Variants in KCTD2 observed in about 807,000 individuals in gnomAD.
The protein encoded by KCTD2 is potassium channel tetramerization domain containing 2.
A neutral mutation model predicts 27.9 loss-of-function variants in KCTD2; 18 were observed. The observed-to-expected ratio is 0.64, with a 90% CI of 0.45 to 0.96. KCTD2 has a LOEUF of 0.96. KCTD2 is among the 40% of genes least tolerant of loss of function. KCTD2 has a pLI of 0.00. For missense variants in KCTD2, 280 were observed against 348.0 expected, an observed-to-expected ratio of 0.80 and a Z score of 1.56; for synonymous variants, 175 against 148.4, an observed-to-expected ratio of 1.18 and a Z score of -1.30.
At chr17:75,045,222 G>C (rs1052137267), upstream of KCTD2, among the ~76,000 whole-genome samples, 1 of 152,210 alleles carries the variant, frequency 6.6e-6, no homozygotes, top group Non-Finnish European at 1.5e-5. Flanking sequence ...GTGGGTGACA[G>C]ACATCAAGTA....
At chr17:75,050,022 A>G (rs1278167567) in intron 2 of KCTD2, among the ~76,000 whole-genome samples, 2 of 152,216 alleles carry the variant, frequency 1.3e-5, no homozygotes, top group Admixed American at 6.5e-5. Flanking sequence ...TGTACTAGTT[A>G]ATGAAGTGAC....
chr17:75,052,450 G>A (rs1461073950), intron 2 of KCTD2, among the ~76,000 whole-genome samples: 1 of 152,194 alleles, frequency 6.6e-6, no homozygotes, highest in African/African-American at 2.4e-5. Context: ...GCTGGGTGCG[G>A]TGGCTTTACG....
rs990917975 is a variant in KCTD2, at chr17:75,056,417, T to C, written c.541-3093T>C. ...ATAGATTTTAAAGTACCATGAATTA[T>C]GTAATTTGAAATGATTCAAGTCATG... is the stretch of plus-strand genomic sequence containing the variant. On this transcript the variant is annotated intron_variant, in intron 3 of 5. Transcript: ENST00000322444. Among the ~76,000 whole-genome samples, 4 of 152,374 alleles carry C rather than the reference T, an allele frequency of 2.6e-5. No individual in the cohort carries two copies. In the South Asian group the frequency reaches 6.2e-4, roughly 24 times the overall value.
At chr17:75,050,902 G>C (rs1487253624) in intron 2 of KCTD2, among the ~76,000 whole-genome samples, 1 of 150,340 alleles carries the variant, frequency 6.7e-6, no homozygotes, top group African/African-American at 2.5e-5. Context: ...GGTCTCAAAT[G>C]TCTGGCCTCA....
In KCTD2 at chr17:75,060,170, G is replaced by T. The variant is rs187790917; in HGVS notation, c.636+565G>T. Among the ~76,000 whole-genome samples the T allele has an allele frequency of 1.5e-3, 228 of 152,038 alleles. 1 individual carries two copies. The highest frequency in any genetic ancestry group is 5.1e-3 in the African/African-American group (211 of 41,502). On this transcript the variant is annotated intron_variant, in intron 4 of 5. Coordinates refer to ENST00000322444, the MANE Select transcript of KCTD2 (RefSeq NM_015353.3). ...CACTGTTCTCCTCCATTAGATGGCA[G>T]ACTTGTTAAATTCTGTTGCCTTCAA... is the stretch of plus-strand genomic sequence containing the variant.
intron 3 of KCTD2, chr17:75,039,907 T>C (rs2073141465): frequency 3.0e-6 from 2 of 670,670 alleles, no homozygotes; most frequent in Non-Finnish European, 5.2e-6. Context: ...TTCTTTTTCT[T>C]GTTGGCTTCT....
In KCTD2 at chr17:75,063,880, C is replaced by G. The variant is rs961263844; in HGVS notation, c.*833C>G. The G allele has an allele frequency of 4.6e-5, 7 of 152,768 alleles. No individual in the cohort carries two copies. Among genetic ancestry groups the G allele is most frequent in the Non-Finnish European group, 1.0e-4 (7 of 68,118 alleles). 9.5% of individuals were successfully genotyped at this position (152,768 alleles called of 1,614,324 possible). ...TCCCCATTGACCCTGTCTTCCTTCCCTGGCTTTTTCAACTGGACCAAAGAT... is the reference window on the plus strand; with the variant it reads ...TCCCCATTGACCCTGTCTTCCTTCCGTGGCTTTTTCAACTGGACCAAAGAT... On this transcript the variant is annotated 3_prime_UTR_variant, in exon 6 of 6. Transcript: ENST00000322444.
intron 4 of KCTD2, among the ~76,000 whole-genome samples, chr17:75,061,293 C>T (rs1405562919): frequency 1.3e-5 from 2 of 152,202 alleles, no homozygotes; most frequent in African/African-American, 4.8e-5. Context: ...AGCTGCTCCC[C>T]TGCGTGTGTA....
chr17:75,040,176 G>A (rs777417383), intron 3 of KCTD2: 1 of 1,611,232 alleles, frequency 6.2e-7, no homozygotes, highest in South Asian at 1.1e-5. Flanking sequence ...ACAAACACAA[G>A]GGCACGGGAA....
intron 4 of KCTD2, 81 bp from the exon 5 acceptor site, chr17:75,062,039 G>T: frequency 6.6e-7 from 1 of 1,518,872 alleles, no homozygotes; most frequent in Non-Finnish European, 9.1e-7. Flanking sequence ...AGTTCAGTCG[G>T]AAGAGGGGTG....
chr17:75,064,555 T>C lies in KCTD2; in HGVS notation c.*1508T>C, dbSNP rs1309623174. 1 of 152,278 alleles carries C rather than the reference T, an allele frequency of 6.6e-6. No individual in the cohort carries two copies. Among genetic ancestry groups the C allele is most frequent in the Non-Finnish European group, 1.5e-5 (1 of 68,086 alleles). The allele number at this position is 152,278 out of a possible 1,614,324, so 9.4% of individuals were successfully genotyped here. ...GTCTTTTGAGCTTCTGACCTGACCA[T>C]GCCCAGATGGCATAACTTTTCCCTA... On this transcript the variant is annotated 3_prime_UTR_variant, in exon 6 of 6. Coordinates refer to ENST00000322444, the MANE Select transcript of KCTD2 (RefSeq NM_015353.3).
At chr17:75,038,409 C>T (rs2073125216) in intron 3 of KCTD2, among the ~76,000 whole-genome samples, 1 of 152,216 alleles carries the variant, frequency 6.6e-6, no homozygotes, top group Non-Finnish European at 1.5e-5. Context: ...TCCCAAAATG[C>T]TGGGATTACA....
In KCTD2 at chr17:75,053,066, T is replaced by G. The variant is rs908313053; in HGVS notation, c.501T>G (p.Val167=). ...FYNIASLVRL[V]KERIRDNENR... Reference sequence around the variant, plus strand: ...ACATCGCGTCCCTTGTGCGGCTGGTTAAGGAAAGGATACGGGACAATGAGA... The same window carrying G: ...ACATCGCGTCCCTTGTGCGGCTGGTGAAGGAAAGGATACGGGACAATGAGA... Residue 167 remains valine, a synonymous_variant, in exon 3 of 6, where the codon GTT becomes GTG. Coordinates refer to ENST00000322444, the MANE Select transcript of KCTD2 (RefSeq NM_015353.3). 1.7e-5 allele frequency: 28 copies of G among 1,614,016 alleles called. No individual in the cohort carries two copies. Among genetic ancestry groups the G allele is most frequent in the Non-Finnish European group, 2.4e-5 (28 of 1,179,966 alleles).
intron 5 of KCTD2, among the ~76,000 whole-genome samples, chr17:75,062,519 T>C (rs2073414391): frequency 1.3e-5 from 2 of 152,160 alleles, no homozygotes; most frequent in Admixed American, 1.3e-4. Context: ...TTGCCACTAA[T>C]TACTACAGGG....
chr17:75,035,129 G>A (rs962973437), intron 2 of KCTD2: 1 of 152,172 alleles, frequency 6.6e-6, no homozygotes, highest in Non-Finnish European at 1.5e-5. Context: ...GTGGCCTAAT[G>A]GATAAGGCGT....
chr17:75,057,370 T>C (rs1000438449), intron 3 of KCTD2, among the ~76,000 whole-genome samples: 5 of 152,170 alleles, frequency 3.3e-5, no homozygotes, highest in African/African-American at 1.2e-4. Flanking sequence ...CTTAAATACC[T>C]GGGACTTTGA....
intron 3 of KCTD2, chr17:75,039,492 C>T (rs763872558): frequency 9.8e-5 from 52 of 529,870 alleles, no homozygotes; most frequent in African/African-American, 2.3e-4. Context: ...TGGCAGCACC[C>T]GGCTGCTTCT....
chr17:75,060,744 T>G, intron 4 of KCTD2: 5 of 701,456 alleles, frequency 7.1e-6, no homozygotes, highest in Non-Finnish European at 1.1e-5. Flanking sequence ...TGAGTAAATA[T>G]GATTTTATAC....
At chr17:75,039,494 G>A (rs1355807416) in intron 3 of KCTD2, 1 of 526,804 alleles carries the variant, frequency 1.9e-6, no homozygotes, top group East Asian at 3.2e-5. Flanking sequence ...GCAGCACCCG[G>A]CTGCTTCTGC....
Sources: allele counts gnomAD v4.1 joint callset (sites outside exome capture counted in the v4.1 genomes callset), GRCh38; gene constraint gnomAD v4.1.1; transcripts MANE v1.5; gene names NCBI Gene and HGNC (gene_info 2026-07-23, HGNC 2026-07-21).